DUT: variants seen among roughly 807,000 people sequenced by gnomAD.
The protein encoded by DUT is deoxyuridine 5'-triphosphate nucleotidohydrolase, mitochondrial.
Under a neutral mutation model 28.8 loss-of-function variants are expected in DUT, and 21 were observed. That is an observed-to-expected ratio of 0.73 (90% CI 0.52 to 1.05). DUT has a LOEUF of 1.05. DUT is among the 50% of genes least tolerant of loss of function. The probability of loss-of-function intolerance (pLI) is 0.00; values close to 1 mark genes in which losing one functional copy is unlikely to be tolerated. For synonymous variants in DUT, 147 were observed against 143.7 expected (o/e 1.02, Z -0.17); for missense variants, 344 against 351.8 (o/e 0.98, Z 0.18).
In DUT at chr15:48,341,498, C is replaced by T. The variant is rs370288689; in HGVS notation, c.632-17C>T. The T allele has an allele frequency of 1.3e-5, 21 of 1,611,686 alleles. No individual in the cohort carries two copies. The highest frequency in any genetic ancestry group is 1.7e-5 in the Admixed American group (1 of 59,860). Reference sequence around the variant, plus strand: ...ATGTGTCAGTAACGTCAGTAATAAACTATTCTTTCTTTGAAGTCAAAAAAG... The same window carrying T: ...ATGTGTCAGTAACGTCAGTAATAAATTATTCTTTCTTTGAAGTCAAAAAAG... On this transcript the variant is annotated splice_polypyrimidine_tract_variant and intron_variant, in intron 5 of 6. Transcript: ENST00000331200.
In DUT at chr15:48,331,806, CG is replaced by C; in HGVS notation, c.280+16del. The C allele has an allele frequency of 1.7e-6, 2 of 1,151,374 alleles. No individual in the cohort carries two copies. The highest frequency in any genetic ancestry group is 2.1e-6 in the Non-Finnish European group (2 of 931,082). 71.3% of individuals were successfully genotyped at this position (1,151,374 alleles called of 1,614,324 possible). On this transcript the variant is annotated intron_variant, in intron 1 of 6. Transcript: ENST00000331200. ...CGGCGCCGGGGCCGGGTAGGAAAGG[CG>C]GGGGAGGGGCTCCGGCCGTCTGGAA...
chr15:48,336,209 G>GT, intron 4 of DUT, 119 bp downstream of exon 4: 2 of 768,896 alleles, frequency 2.6e-6, no homozygotes, highest in Non-Finnish European at 3.9e-6. Flanking sequence ...AGGAAAGCTT[G>GT]TTATAATAGG....
chr15:48,331,252 G>A, upstream of DUT: 5 of 1,470,402 alleles, frequency 3.4e-6, no homozygotes, highest in Non-Finnish European at 3.6e-6. Flanking sequence ...ATGGGGGCCA[G>A]AGCAAACAAG....
chr15:48,334,282 G>C, intron 2 of DUT, 135 bp from the exon 3 acceptor site: 1 of 510,038 alleles, frequency 2.0e-6, no homozygotes, highest in Non-Finnish European at 3.4e-6. Context: ...ATCATAGCAA[G>C]GTTGATTTTA....
At chr15:48,331,217 G>C (rs2141153995), upstream of DUT, 3 of 1,511,430 alleles carry the variant, frequency 2.0e-6, no homozygotes, top group South Asian at 1.2e-5. Context: ...AGCAGGGCCC[G>C]GGCCTGGCGT....
At chr15:48,331,903 G>T (rs2042417038) in intron 1 of DUT, 108 bp downstream of exon 1, 2 of 673,560 alleles carry the variant, frequency 3.0e-6, no homozygotes, top group African/African-American at 3.9e-5. Context: ...GGGGGGCGGG[G>T]GGGGTGGGGT....
At chr15:48,339,400 G>A (rs2042508869) in intron 4 of DUT, among the ~76,000 whole-genome samples, 1 of 152,088 alleles carries the variant, frequency 6.6e-6, no homozygotes, top group Admixed American at 6.5e-5. Flanking sequence ...ATTCAAGATA[G>A]ATGAATTATT....
rs764503635 is a variant in DUT at position 48,331,524 on chromosome 15, C to G, written c.9C>G (p.Pro3=). MT[P]LCPRPALCYH... ...CCCAAACTCTGGGGGAAATGACTCCCCTCTGCCCTCGCCCCGCGCTCTGCT... is the reference window on the plus strand; with the variant it reads ...CCCAAACTCTGGGGGAAATGACTCCGCTCTGCCCTCGCCCCGCGCTCTGCT... Residue 3 remains proline (P), a synonymous_variant, in exon 1 of 7, where the codon CCC becomes CCG. Transcript: ENST00000331200. 7 of 1,611,788 alleles carry G rather than the reference C, an allele frequency of 4.3e-6. No homozygotes were observed. The highest frequency in any genetic ancestry group is 5.9e-6 in the Non-Finnish European group (7 of 1,179,554).
At chr15:48,331,336 G>A (rs2042404347), upstream of DUT, 2 of 1,443,636 alleles carry the variant, frequency 1.4e-6, no homozygotes, top group Non-Finnish European at 1.8e-6. Context: ...CCGTCTTCCT[G>A]GGGCCCCAGG....
At chr15:48,332,096 C>T in intron 1 of DUT, 172 bp from the exon 2 acceptor site, 2 of 1,336,582 alleles carry the variant, frequency 1.5e-6, no homozygotes, top group East Asian at 3.0e-5. Context: ...ATCCCGCCTC[C>T]CCTCTCAGCC....
Position 48,332,298 on chromosome 15 carries a change from C to T in DUT, c.311C>T (p.Ala104Val), listed in dbSNP as rs1597478686. Residue 104 changes from alanine (A) to valine (V), a missense_variant, in exon 2 of 7, where the codon GCC (alanine) becomes GTC (valine). Physicochemically the swap from Ala to Val is moderately conservative, Grantham distance 64. Transcript: ENST00000331200. ...CCCGCCATTTCACCCAGTAAGCGGG[C>T]CCGGCCTGCGGAGGTGGGCGGCATG... is the stretch of plus-strand genomic sequence containing the variant. ...ETPAISPSKR[A>V]RPAEVGGMQL... 6.2e-7 allele frequency: 1 copy of T among 1,608,974 alleles called. No individual in the cohort carries two copies.
At chr15:48,341,788 AAGTT>A in intron 6 of DUT, 1 of 587,808 alleles carries the variant, frequency 1.7e-6, no homozygotes, top group Non-Finnish European at 2.9e-6. Context: ...TTTGGATAAT[AAGTT>A]ATTTAAACAT....
At chr15:48,337,490 G>A (rs1353225257) in intron 4 of DUT, among the ~76,000 whole-genome samples, 1 of 152,170 alleles carries the variant, frequency 6.6e-6, no homozygotes, top group East Asian at 1.9e-4. Flanking sequence ...GCCTCTAGAG[G>A]TAGGAGGATT....
At chr15:48,332,073 A>G in intron 1 of DUT, 195 bp from the exon 2 acceptor site, 6 of 1,272,968 alleles carry the variant, frequency 4.7e-6, no homozygotes, top group Non-Finnish European at 6.1e-6. Flanking sequence ...AGGGCTTCAA[A>G]CCCAAAATGT....
chr15:48,336,368 A>C (rs2042475699), intron 4 of DUT, among the ~76,000 whole-genome samples: 1 of 152,322 alleles, frequency 6.6e-6, no homozygotes, highest in South Asian at 2.1e-4. Context: ...TAGAAAACAC[A>C]GGTCTATCTT....
intron 6 of DUT, 119 bp downstream of exon 6, chr15:48,341,704 A>C: frequency 1.2e-6 from 1 of 838,786 alleles, no homozygotes; most frequent in Non-Finnish European, 1.8e-6. Flanking sequence ...GACTAAACTT[A>C]TTTTAAGCAA....
Position 48,335,951 on chromosome 15 carries a change from T to C in DUT, c.512-95T>C, listed in dbSNP as rs1350227082. The stretch of plus-strand genomic sequence containing the variant: ...AGTTAAGATGAAGATATAGATATTA[T>C]AGGTGAAGAGAATGACATGCTTAAA... On this transcript the variant is annotated intron_variant, in intron 3 of 6. Transcript: ENST00000331200. The C allele has an allele frequency of 8.8e-6, 8 of 905,416 alleles. No individual in the cohort carries two copies. The East Asian group carries it at 1.5e-4, about 17-fold the overall frequency. The allele number at this position is 905,416 out of a possible 1,614,324, so 56.1% of individuals were successfully genotyped here. A position where few individuals can be genotyped will look rare whatever the true frequency, so the allele number is the denominator to read the frequency against.
At chr15:48,335,871 C>G (rs971223392) in intron 3 of DUT, among the ~76,000 whole-genome samples, 175 bp from the exon 4 acceptor site, 6 of 152,308 alleles carry the variant, frequency 3.9e-5, no homozygotes, top group African/African-American at 1.2e-4. Flanking sequence ...GTCTTTCCAA[C>G]TTTGGTAATG....
At chr15:48,341,873 G>T (rs2141169926) in intron 6 of DUT, 149 bp from the exon 7 acceptor site, 1 of 661,660 alleles carries the variant, frequency 1.5e-6, no homozygotes, top group East Asian at 3.0e-5. Context: ...GAGCTTTTTA[G>T]AATTTAATTT....
Sources: allele counts gnomAD v4.1 joint callset (sites outside exome capture counted in the v4.1 genomes callset), GRCh38; gene constraint gnomAD v4.1.1; transcripts MANE v1.5; gene names NCBI Gene and HGNC (gene_info 2026-07-23, HGNC 2026-07-21).